The following ITK variants were observed in gnomAD, a reference collection of about 807,000 sequenced individuals.
ITK encodes the protein tyrosine-protein kinase ITK/TSK.
A neutral mutation model predicts 87.6 loss-of-function variants in ITK; 45 were observed. The ratio of observed to expected loss-of-function variants is 0.51; its 90% CI spans 0.40 to 0.66. The LOEUF (loss-of-function observed/expected upper bound fraction) is 0.66. Among genes scored for constraint, ITK ranks in the 30% least tolerant of loss-of-function variants. The pLI is 0.00. For missense variants in ITK, 605 were observed against 766.3 expected (o/e 0.79, Z 2.48); for synonymous variants, 303 against 273.6 (o/e 1.11, Z -1.06).
At chr5:157,217,797 G>A in intron 4 of ITK, 70 bp from the exon 5 acceptor site, 2 of 1,388,278 alleles carry the variant, frequency 1.4e-6, no homozygotes, top group Non-Finnish European at 2.1e-6. Flanking sequence ...AAACCCCCTG[G>A]CTGCTCACTT....
chr5:157,181,447 A>C (rs1202071256), intron 1 of ITK, among the ~76,000 whole-genome samples: 2 of 152,204 alleles, frequency 1.3e-5, no homozygotes, highest in Admixed American at 1.3e-4. Flanking sequence ...CTTTCTATGA[A>C]ACATACTAAA....
intron 15 of ITK, among the ~76,000 whole-genome samples, chr5:157,248,210 C>T (rs551485506): frequency 2.4e-4 from 37 of 152,296 alleles, no homozygotes; most frequent in Non-Finnish European, 4.1e-4. Flanking sequence ...AGCCTTCTTG[C>T]TCTGACAACC....
At chr5:157,249,214 G>T (rs1755091485) in intron 16 of ITK, among the ~76,000 whole-genome samples, 1 of 152,260 alleles carries the variant, frequency 6.6e-6, no homozygotes, top group African/African-American at 2.4e-5. Flanking sequence ...TATTTGGTTT[G>T]CTACATAATG....
At position 157,190,355 on chromosome 5, in the gene ITK, G is replaced by A. The variant is rs79710529; in HGVS notation, c.138+9240G>A. 4.7e-3 allele frequency among the ~76,000 whole-genome samples: 719 copies of A among 152,226 alleles called. 6 individuals carry two copies. The highest frequency in any genetic ancestry group is 0.016 in the African/African-American group (675 of 41,536). ...TTGTTTTTATTGACTCTGTATCAAG[G>A]AAACGTTTCTGTGTTGGTACATTTC... On this transcript the variant is annotated intron_variant, in intron 1 of 16. Transcript: ENST00000422843.
At chr5:157,247,126 T>G (rs1473775998) in intron 15 of ITK, among the ~76,000 whole-genome samples, 1 of 152,214 alleles carries the variant, frequency 6.6e-6, no homozygotes, top group Non-Finnish European at 1.5e-5. Context: ...TTACTAGTAG[T>G]AGAAACCAGG....
At chr5:157,191,337 G>T (rs152117) in intron 1 of ITK, among the ~76,000 whole-genome samples, 5 of 151,730 alleles carry the variant, frequency 3.3e-5, no homozygotes, top group Non-Finnish European at 7.4e-5. Flanking sequence ...TATAACCTGC[G>T]TCAGGATCAA....
chr5:157,189,608 G>A (rs1400356409), intron 1 of ITK, among the ~76,000 whole-genome samples: 2 of 152,188 alleles, frequency 1.3e-5, no homozygotes, highest in Non-Finnish European at 2.9e-5. Context: ...TTGAACCCAG[G>A]AGGCAGAGGT....
At position 157,244,277 on chromosome 5, in the gene ITK, C is replaced by G. The variant is rs374632091; in HGVS notation, c.1248C>G (p.Pro416=). 6 of 1,614,200 alleles carry G rather than the reference C, an allele frequency of 3.7e-6. No homozygotes were observed. The highest frequency in any genetic ancestry group is 4.2e-6 in the Non-Finnish European group (5 of 1,180,026). ...EAEVMMKLSH[P]KLVQLYGVCL... ...TTTCCTCCAGGAAACTCTCTCATCC[C>G]AAACTGGTGCAGCTGTATGGGGTGT... The change falls in exon 13 of 17, where the codon CCC becomes CCG. Residue 416 remains proline (P), a synonymous_variant. Transcript: ENST00000422843.
intron 7 of ITK, among the ~76,000 whole-genome samples, chr5:157,229,782 C>A (rs1754613410): frequency 6.6e-6 from 1 of 152,148 alleles, no homozygotes. Context: ...GGTGTGATGG[C>A]ACACGCCTGT....
chr5:157,184,117 G>A (rs1206506575), intron 1 of ITK, among the ~76,000 whole-genome samples: 5 of 151,590 alleles, frequency 3.3e-5, no homozygotes, highest in Non-Finnish European at 5.9e-5. Context: ...AGACAGACAT[G>A]ATTTCAGAGG....
At position 157,245,709 on chromosome 5, in the gene ITK, G is replaced by A. The variant is rs13156643; in HGVS notation, c.1450-17G>A. Reference sequence around the variant, plus strand: ...ACAGTTTTCCTCTCCGCCTTTGTTTGCCTGTCTCCTCTCCAGGCTGCCAGA... The same window carrying A: ...ACAGTTTTCCTCTCCGCCTTTGTTTACCTGTCTCCTCTCCAGGCTGCCAGA... On this transcript the variant is annotated splice_polypyrimidine_tract_variant and intron_variant, in intron 13 of 16. Coordinates refer to ENST00000422843, the MANE Select transcript of ITK (RefSeq NM_005546.4). 38,847 of 1,611,556 alleles carry A rather than the reference G, an allele frequency of 0.024. 595 individuals are homozygous for A. The highest frequency in any genetic ancestry group is 0.03 in the Non-Finnish European group (34,931 of 1,177,618).
intron 15 of ITK, among the ~76,000 whole-genome samples, chr5:157,248,548 T>G (rs1479325354): frequency 6.6e-6 from 1 of 152,184 alleles, no homozygotes; most frequent in East Asian, 1.9e-4. Context: ...GTGTCACACC[T>G]CCTGCACTCC....
At chr5:157,239,062 G>A (rs988179728) in intron 9 of ITK, among the ~76,000 whole-genome samples, 3 of 152,172 alleles carry the variant, frequency 2.0e-5, no homozygotes, top group Admixed American at 6.5e-5. Flanking sequence ...CAGAGGGGCC[G>A]TGCCTCTACC....
intron 13 of ITK, chr5:157,245,420 A>G (rs1280961697): frequency 2.1e-6 from 1 of 477,808 alleles, no homozygotes; most frequent in Non-Finnish European, 3.8e-6. Flanking sequence ...CCCTGATGTT[A>G]ACATTTCCTA....
intron 2 of ITK, 126 bp from the exon 3 acceptor site, chr5:157,211,161 A>G (rs1021137579): frequency 1.3e-6 from 1 of 784,536 alleles, no homozygotes; most frequent in African/African-American, 1.7e-5. Flanking sequence ...TGGCCCCCTA[A>G]TTACCCAAAT....
chr5:157,237,471 T>C (rs1394961073), intron 8 of ITK, among the ~76,000 whole-genome samples: 1 of 152,212 alleles, frequency 6.6e-6, no homozygotes, highest in Non-Finnish European at 1.5e-5. Context: ...GAAACCCAAA[T>C]CTCAGCAACA....
At chr5:157,183,225 T>C (rs1753574645) in intron 1 of ITK, among the ~76,000 whole-genome samples, 2 of 152,320 alleles carry the variant, frequency 1.3e-5, no homozygotes, top group South Asian at 4.1e-4. Context: ...TTAGGTATAC[T>C]ACATGGTTTC....
intron 7 of ITK, among the ~76,000 whole-genome samples, chr5:157,229,717 C>T (rs1039744879): frequency 6.6e-6 from 1 of 152,034 alleles, no homozygotes; most frequent in African/African-American, 2.4e-5. Context: ...AGTTTGAGAC[C>T]AGGCTGACCA....
chr5:157,227,827 T>C (rs1197923738), intron 6 of ITK, among the ~76,000 whole-genome samples: 6 of 134,080 alleles, frequency 4.5e-5, no homozygotes, highest in African/African-American at 1.4e-4. Flanking sequence ...AATTCCTTTT[T>C]TTTTTTTTTT....
Sources: gnomAD v4.1 joint callset for allele counts (sites outside exome capture counted in the v4.1 genomes callset) on GRCh38, gnomAD v4.1.1 for gene constraint, MANE v1.5 for transcripts, NCBI Gene and HGNC (gene_info 2026-07-23, HGNC 2026-07-21) for gene names.